Variants in WDR41 observed in about 807,000 individuals in gnomAD.
The protein encoded by WDR41 is WD repeat-containing protein 41.
WDR41 carries 63 observed loss-of-function variants against 69.3 expected under a neutral mutation model. The ratio of observed to expected loss-of-function variants is 0.91; its 90% CI spans 0.74 to 1.12. The LOEUF (loss-of-function observed/expected upper bound fraction) is 1.12. Ranked by LOEUF, WDR41 falls within the 50% of genes most tolerant of loss-of-function variation. The pLI, the probability that WDR41 is intolerant of heterozygous loss-of-function variation, is 0.00. For missense variants in WDR41, 543 were observed against 534.5 expected, an observed-to-expected ratio of 1.02 and a Z score of -0.16; for synonymous variants, 185 against 192.1, an observed-to-expected ratio of 0.96 and a Z score of 0.31.
intron 2 of WDR41, among the ~76,000 whole-genome samples, chr5:77,480,578 A>C (rs1217427010): frequency 6.6e-6 from 1 of 152,046 alleles, no homozygotes; most frequent in Non-Finnish European, 1.5e-5. Context: ...GCAAGAACAA[A>C]AAACCAAACA....
At position 77,433,028 on chromosome 5, in the gene WDR41, G is replaced by C; in HGVS notation, c.*107C>G. On this transcript the variant is annotated 3_prime_UTR_variant, in exon 13 of 13. Transcript: ENST00000296679. ...TTAAACATGTAGAATTTTATGGACT[G>C]ACAAAAAAAATTACCAATTTAAGTG... The C allele has an allele frequency of 7.7e-7, 1 of 1,305,150 alleles. No individual in the cohort carries two copies. The highest frequency in any genetic ancestry group is 2.5e-5 in the East Asian group (1 of 39,584). 80.8% of individuals were successfully genotyped at this position (1,305,150 alleles called of 1,614,324 possible). A position where few individuals can be genotyped will look rare whatever the true frequency, so the allele number is the denominator to read the frequency against.
intron 1 of WDR41, among the ~76,000 whole-genome samples, chr5:77,567,994 T>C (rs1401308851): frequency 6.6e-6 from 1 of 151,396 alleles, no homozygotes; most frequent in South Asian, 2.1e-4. Context: ...CAAGAGATCT[T>C]TTTTTTTCTT....
chr5:77,522,050 G>C (rs745469315), intron 1 of WDR41, among the ~76,000 whole-genome samples: 1 of 152,150 alleles, frequency 6.6e-6, no homozygotes, highest in Non-Finnish European at 1.5e-5. Context: ...TTTCCTAGAA[G>C]AATCAATGGA....
At chr5:77,488,669 GGA>G (rs1801628263) in intron 2 of WDR41, among the ~76,000 whole-genome samples, 1 of 152,108 alleles carries the variant, frequency 6.6e-6, no homozygotes, top group Admixed American at 6.6e-5. Context: ...TTAGTAGTCT[GGA>G]GAGTCATTCA....
In WDR41 at chr5:77,473,196, G is replaced by C. The variant is rs537938379; in HGVS notation, c.168-8387C>G. Among the ~76,000 whole-genome samples, 271 of 152,248 alleles carry C rather than the reference G, an allele frequency of 1.8e-3. 1 individual carries two copies. The highest frequency in any genetic ancestry group is 5.5e-3 in the African/African-American group (229 of 41,538). ...CTGACAAAAACAAGAAATGGGGAAA[G>C]GATTCCCTATTTAATAAATGGTGCT... On this transcript the variant is annotated intron_variant, in intron 2 of 12. Transcript: ENST00000296679.
chr5:77,588,956 C>T (rs1054226298), intron 1 of WDR41, among the ~76,000 whole-genome samples: 3 of 152,168 alleles, frequency 2.0e-5, no homozygotes, highest in African/African-American at 7.2e-5. Flanking sequence ...CAGCACTACT[C>T]TTTGTGGCCA....
chr5:77,454,779 A>G (rs1799763111), intron 5 of WDR41, among the ~76,000 whole-genome samples: 1 of 152,244 alleles, frequency 6.6e-6, no homozygotes, highest in East Asian at 1.9e-4. Flanking sequence ...AGTTGAAAAT[A>G]ACCAATGCAG....
Position 77,620,030 on chromosome 5 carries a change from T to C in WDR41, c.42+449A>G, listed in dbSNP as rs181147308. 1.4e-3 allele frequency among the ~76,000 whole-genome samples: 215 copies of C among 152,230 alleles called. 1 individual carries two copies. Among genetic ancestry groups the C allele is most frequent in the South Asian group, 2.9e-3 (14 of 4,828 alleles). ...TGTCCAAGAAATAAGCATATATATA[T>C]GCTATATATATAATATACAGTGTAA... On this transcript the variant is annotated intron_variant, in intron 1 of 5. Transcript: ENST00000509971.
At chr5:77,599,935 A>T (rs1020852810) in intron 1 of WDR41, among the ~76,000 whole-genome samples, 1 of 152,246 alleles carries the variant, frequency 6.6e-6, no homozygotes, top group Non-Finnish European at 1.5e-5. Flanking sequence ...AACATAGAAA[A>T]GAGCAAGACA....
chr5:77,580,333 TGAGA>T (rs531580136), intron 1 of WDR41, among the ~76,000 whole-genome samples: 4 of 152,084 alleles, frequency 2.6e-5, no homozygotes, highest in Non-Finnish European at 5.9e-5. Flanking sequence ...GAATGAGTGC[TGAGA>T]GAAAGGGAAA....
In WDR41 at chr5:77,461,695, G is replaced by A. The variant is rs150032864; in HGVS notation, c.348+1400C>T. ...TACTAAAAATACAAAAAAATTAGCC[G>A]GACGTGGTGGCAGGCGCCTGTAGTC... On this transcript the variant is annotated intron_variant, in intron 4 of 12. Transcript: ENST00000296679. Among the ~76,000 whole-genome samples the A allele has an allele frequency of 3.5e-3, 534 of 152,112 alleles. 4 individuals are homozygous for A. Among genetic ancestry groups the A allele is most frequent in the African/African-American group, 0.012 (497 of 41,506 alleles).
chr5:77,591,269 T>C (rs1744132732), intron 1 of WDR41, among the ~76,000 whole-genome samples: 1 of 152,162 alleles, frequency 6.6e-6, no homozygotes, highest in African/African-American at 2.4e-5. Flanking sequence ...TTACTGATAT[T>C]GGTCATTTGT....
intron 1 of WDR41, among the ~76,000 whole-genome samples, chr5:77,587,847 T>G (rs1744068983): frequency 6.6e-6 from 1 of 152,150 alleles, no homozygotes; most frequent in African/African-American, 2.4e-5. Context: ...ACCAGAGGCA[T>G]GTGTGCACAG....
intron 1 of WDR41, among the ~76,000 whole-genome samples, chr5:77,562,339 A>G (rs1002805532): frequency 7.2e-5 from 11 of 152,340 alleles, no homozygotes; most frequent in African/African-American, 2.4e-4. Flanking sequence ...AGGTAATACA[A>G]AGTTTTAAAA....
At chr5:77,444,814 T>C (rs185743446) in intron 8 of WDR41, among the ~76,000 whole-genome samples, 174 of 152,378 alleles carry the variant, frequency 1.1e-3, no homozygotes, top group Admixed American at 2.7e-3. Context: ...TACTTGGTCA[T>C]GTTTGATTCC....
At chr5:77,514,691 A>G (rs1802267827) in intron 1 of WDR41, among the ~76,000 whole-genome samples, 1 of 152,194 alleles carries the variant, frequency 6.6e-6, no homozygotes, top group Admixed American at 6.5e-5. Flanking sequence ...GTGCCATTGT[A>G]GAGGGTACTT....
intron 1 of WDR41, among the ~76,000 whole-genome samples, chr5:77,616,481 A>G (rs1467302499): frequency 6.6e-6 from 1 of 152,172 alleles, no homozygotes; most frequent in Admixed American, 6.5e-5. Flanking sequence ...GGAACTAAGG[A>G]TGCCCTGGGG....
At chr5:77,545,780 TG>T in intron 1 of WDR41, 3 of 957,580 alleles carry the variant, frequency 3.1e-6, no homozygotes, top group Non-Finnish European at 4.5e-6. Flanking sequence ...GGGACTACAA[TG>T]GCCACGTCGG....
At position 77,492,140 on chromosome 5, in the gene WDR41, G is replaced by C. The variant is rs777757523; in HGVS notation, c.51+30C>G. On this transcript the variant is annotated intron_variant, in intron 1 of 12. Transcript: ENST00000296679. ...AAGCCGCCCCTCCAGCAAGCTCGAC[G>C]GACGCAGAGCAGACCCACCCGGGGT... The C allele has an allele frequency of 9.4e-6, 15 of 1,601,734 alleles. No homozygotes were observed. The South Asian group carries it at 1.7e-4, about 18-fold the overall frequency.
Sources: allele counts gnomAD v4.1 joint callset (sites outside exome capture counted in the v4.1 genomes callset), GRCh38; gene constraint gnomAD v4.1.1; transcripts MANE v1.5; gene names NCBI Gene and HGNC (gene_info 2026-07-23, HGNC 2026-07-21).